Variants in GDAP1 observed in about 807,000 individuals in gnomAD.
GDAP1 encodes ganglioside-induced differentiation-associated protein 1.
Under a neutral mutation model 40.1 loss-of-function variants are expected in GDAP1, and 34 were observed. The ratio of observed to expected loss-of-function variants is 0.85; its 90% CI spans 0.64 to 1.13. The LOEUF is 1.13. GDAP1 is among the 50% of genes most tolerant of loss of function. GDAP1 has a pLI of 0.00. For synonymous variants in GDAP1, 170 were observed against 157.4 expected (o/e 1.08, Z -0.60); for missense variants, 374 against 433.7 (o/e 0.86, Z 1.22).
chr8:74,365,119 T>C lies in GDAP1; in HGVS notation c.*752T>C, dbSNP rs1178757561. 6 of 454,106 alleles carry C rather than the reference T, an allele frequency of 1.3e-5. No individual in the cohort carries two copies. The highest frequency in any genetic ancestry group is 2.6e-5 in the Non-Finnish European group (6 of 226,782). The allele number at this position is 454,106 out of a possible 1,614,324, so 28.1% of individuals were successfully genotyped here. ...GCATCTGTAGCCCTCTTCATACACA[T>C]AAGTGGCATTTAGGTGAATGTCCCA... On this transcript the variant is annotated 3_prime_UTR_variant, in exon 6 of 6. Transcript: ENST00000220822.
chr8:74,466,326 G>A (rs1280692844), intron 2 of GDAP1, among the ~76,000 whole-genome samples: 1 of 152,148 alleles, frequency 6.6e-6, no homozygotes, highest in Admixed American at 6.6e-5. Context: ...TAGCTTTGGA[G>A]GGTTTTAGGG....
At chr8:74,391,638 G>A (rs186916959) in intron 2 of GDAP1, among the ~76,000 whole-genome samples, 2 of 151,984 alleles carry the variant, frequency 1.3e-5, no homozygotes, top group Admixed American at 1.3e-4. Context: ...CATCTTGCCA[G>A]CCACCCCCAC....
intron 2 of GDAP1, among the ~76,000 whole-genome samples, chr8:74,423,734 C>G (rs1450022660): frequency 5.9e-5 from 9 of 151,912 alleles, no homozygotes; most frequent in Non-Finnish European, 1.0e-4. Flanking sequence ...GTGATGAGAG[C>G]CGGATGGACC....
intron 2 of GDAP1, among the ~76,000 whole-genome samples, chr8:74,470,474 A>G (rs1028502582): frequency 2.0e-5 from 3 of 152,054 alleles, no homozygotes; most frequent in African/African-American, 2.4e-5. Flanking sequence ...TCATTGTTCA[A>G]TTCCCACCTA....
At chr8:74,458,268 T>A (rs560097354) in intron 2 of GDAP1, among the ~76,000 whole-genome samples, 3 of 151,902 alleles carry the variant, frequency 2.0e-5, no homozygotes, top group African/African-American at 4.8e-5. Context: ...TTAATATATA[T>A]AAATTAATAT....
chr8:74,387,833 C>T (rs546026455), intron 2 of GDAP1, among the ~76,000 whole-genome samples: 8 of 152,192 alleles, frequency 5.3e-5, no homozygotes, highest in African/African-American at 1.9e-4. Context: ...GTTTGGTAGG[C>T]TATTAATTAC....
intron 2 of GDAP1, among the ~76,000 whole-genome samples, chr8:74,423,728 T>A (rs2131561003): frequency 6.6e-6 from 1 of 152,186 alleles, no homozygotes; most frequent in South Asian, 2.1e-4. Flanking sequence ...GGTAAAGTGA[T>A]GAGAGCCGGA....
intron 2 of GDAP1, 27 bp from the exon 3 acceptor site, chr8:74,360,110 T>C: frequency 6.3e-7 from 1 of 1,579,398 alleles, no homozygotes; most frequent in Non-Finnish European, 8.7e-7. Context: ...TAACTTTTTC[T>C]TCAATATTTG....
intron 2 of GDAP1, among the ~76,000 whole-genome samples, chr8:74,439,415 G>C (rs35773473): frequency 1.1e-3 from 162 of 151,792 alleles, no homozygotes; most frequent in Non-Finnish European, 1.8e-3. Context: ...CCAAATTTTC[G>C]TATGTGTGTA....
intron 2 of GDAP1, among the ~76,000 whole-genome samples, chr8:74,433,027 C>T (rs1052648986): frequency 3.3e-5 from 5 of 152,144 alleles, no homozygotes; most frequent in African/African-American, 9.7e-5. Flanking sequence ...CAATTATATT[C>T]TTCAGTAAAC....
At chr8:74,441,279 G>A (rs1487484928) in intron 2 of GDAP1, among the ~76,000 whole-genome samples, 1 of 152,058 alleles carries the variant, frequency 6.6e-6, no homozygotes, top group Non-Finnish European at 1.5e-5. Context: ...ACTTTACTAT[G>A]TAAGTAGCAG....
chr8:74,388,637 G>A (rs188381879), intron 2 of GDAP1, among the ~76,000 whole-genome samples: 15 of 152,286 alleles, frequency 9.8e-5, no homozygotes, highest in African/African-American at 3.4e-4. Flanking sequence ...ATGTGATGCT[G>A]AGAAGAATGT....
chr8:74,406,723 A>G (rs958695960), intron 2 of GDAP1, among the ~76,000 whole-genome samples: 23 of 150,164 alleles, frequency 1.5e-4, no homozygotes, highest in Non-Finnish European at 3.1e-4. Flanking sequence ...GCATAGTATT[A>G]ATAATTCAGC....
chr8:74,364,781 T>C lies in GDAP1; in HGVS notation c.*414T>C, dbSNP rs1324048797. On this transcript the variant is annotated 3_prime_UTR_variant, in exon 6 of 6. Coordinates refer to ENST00000220822, the MANE Select transcript of GDAP1 (RefSeq NM_018972.4). The stretch of plus-strand genomic sequence containing the variant: ...GAGAGGACTAGGGAATCACTGGGGA[T>C]AGTGGGCTGGAGAGAACCCCAGGCT... 4.4e-6 allele frequency: 2 copies of C among 457,322 alleles called. No homozygotes were observed. Among genetic ancestry groups the C allele is most frequent in the Non-Finnish European group, 8.7e-6 (2 of 229,214 alleles). The allele number at this position is 457,322 out of a possible 1,614,324, so 28.3% of individuals were successfully genotyped here. A position where few individuals can be genotyped will look rare whatever the true frequency, so the allele number is the denominator to read the frequency against.
At chr8:74,403,087 A>G (rs1243153109) in intron 2 of GDAP1, among the ~76,000 whole-genome samples, 2 of 150,188 alleles carry the variant, frequency 1.3e-5, no homozygotes, top group Non-Finnish European at 2.9e-5. Context: ...TAGTGCCCAA[A>G]CAATCTGATG....
At chr8:74,377,445 A>G (rs1809874860) in intron 2 of GDAP1, among the ~76,000 whole-genome samples, 1 of 152,252 alleles carries the variant, frequency 6.6e-6, no homozygotes, top group Admixed American at 6.5e-5. Flanking sequence ...AAAAATGCTC[A>G]ACATTGTTAT....
intron 2 of GDAP1, among the ~76,000 whole-genome samples, chr8:74,477,569 C>T (rs1161644765): frequency 2.6e-5 from 4 of 152,060 alleles, no homozygotes; most frequent in African/African-American, 9.7e-5. Flanking sequence ...AGGCTCAGCT[C>T]AGGACTCCTA....
At chr8:74,477,012 A>C (rs1806637962) in intron 2 of GDAP1, among the ~76,000 whole-genome samples, 1 of 151,768 alleles carries the variant, frequency 6.6e-6, no homozygotes, top group Admixed American at 6.6e-5. Context: ...TTTTTGTCTG[A>C]CTGCCTTATT....
chr8:74,456,687 G>A (rs764782870), intron 2 of GDAP1, among the ~76,000 whole-genome samples: 32 of 151,990 alleles, frequency 2.1e-4, no homozygotes, highest in Non-Finnish European at 4.6e-4. Flanking sequence ...TGTGCTCTCA[G>A]TGGTGCATGT....
Sources: allele counts gnomAD v4.1 joint callset (sites outside exome capture counted in the v4.1 genomes callset), GRCh38; gene constraint gnomAD v4.1.1; transcripts MANE v1.5; gene names NCBI Gene and HGNC (gene_info 2026-07-23, HGNC 2026-07-21).